ANKH: variants seen among roughly 807,000 people sequenced by gnomAD.
ANKH encodes the protein ANKH inorganic pyrophosphate transport regulator.
In ANKH, 15 loss-of-function variants were observed where a neutral mutation model predicts 49.0. The observed-to-expected ratio is 0.31, with a 90% CI of 0.20 to 0.47. The LOEUF is 0.47. Among genes scored for constraint, ANKH ranks in the 20% least tolerant of loss-of-function variants. ANKH has a pLI of 1.00. For missense variants in ANKH, 429 were observed against 652.0 expected, an observed-to-expected ratio of 0.66 and a Z score of 3.72; for synonymous variants, 273 against 260.0, an observed-to-expected ratio of 1.05 and a Z score of -0.48.
intron 1 of ANKH, among the ~76,000 whole-genome samples, chr5:14,814,866 C>A (rs947303069): frequency 6.6e-6 from 1 of 152,190 alleles, no homozygotes; most frequent in Non-Finnish European, 1.5e-5. Context: ...AAGTTTACTT[C>A]TTTCAAATTT....
intron 1 of ANKH, among the ~76,000 whole-genome samples, chr5:14,853,197 G>A (rs919922149): frequency 6.6e-6 from 1 of 152,104 alleles, no homozygotes; most frequent in Non-Finnish European, 1.5e-5. Context: ...TCAATCATAC[G>A]CTTTTCCCAA....
intron 1 of ANKH, among the ~76,000 whole-genome samples, chr5:14,815,987 G>C (rs886680541): frequency 1.3e-5 from 2 of 152,110 alleles, no homozygotes; most frequent in African/African-American, 4.8e-5. Context: ...GCTCATCCTT[G>C]TTTACTAGAT....
chr5:14,786,856 GT>G (rs1739993802), intron 1 of ANKH, among the ~76,000 whole-genome samples: 3 of 152,158 alleles, frequency 2.0e-5, no homozygotes, highest in African/African-American at 7.2e-5. Flanking sequence ...ATAATGACAT[GT>G]ACAAATAGAT....
rs931405874 is a variant in ANKH, at chr5:14,758,707, T to C, written c.314-109A>G. On this transcript the variant is annotated intron_variant, in intron 2 of 11. Transcript: ENST00000284268. Reference sequence around the variant, plus strand: ...TTTTAAATGTAGTATTTGTTCGTCATAGAAAAATTAGATAAGCAAATAGAA... The same window carrying C: ...TTTTAAATGTAGTATTTGTTCGTCACAGAAAAATTAGATAAGCAAATAGAA... 1.6e-4 allele frequency: 138 copies of C among 867,640 alleles called. 1 individual carries two copies. The highest frequency in any genetic ancestry group is 7.7e-4 in the South Asian group (55 of 71,526). 53.7% of individuals were successfully genotyped at this position (867,640 alleles called of 1,614,324 possible).
intron 3 of ANKH, among the ~76,000 whole-genome samples, chr5:14,757,924 T>C (rs141331474): frequency 6.6e-5 from 10 of 152,346 alleles, no homozygotes; most frequent in Non-Finnish European, 1.2e-4. Flanking sequence ...ATTCCACTTC[T>C]GGGTATATAC....
intron 1 of ANKH, among the ~76,000 whole-genome samples, chr5:14,821,228 A>C (rs893946111): frequency 5.3e-4 from 80 of 152,222 alleles, no homozygotes; most frequent in African/African-American, 1.9e-3. Context: ...ACATGCCTCT[A>C]TTACCAATCC....
chr5:14,778,470 G>A (rs1739702779), intron 1 of ANKH, among the ~76,000 whole-genome samples: 1 of 152,142 alleles, frequency 6.6e-6, no homozygotes, highest in Non-Finnish European at 1.5e-5. Flanking sequence ...CTCCGCGCCA[G>A]TGACCTCTAC....
Position 14,751,152 on chromosome 5 carries a change from G to C in ANKH, c.604C>G (p.Leu202Val), listed in dbSNP as rs1043283173. 6.2e-7 allele frequency: 1 copy of C among 1,614,252 alleles called. No homozygotes were observed. Among genetic ancestry groups the C allele is most frequent in the Non-Finnish European group, 8.5e-7 (1 of 1,180,050 alleles). The change falls in exon 5 of 12, where the codon CTT becomes GTT. Residue 202 changes from leucine to valine, a missense_variant. Leu to Val is a conservative substitution (Grantham distance 32). Transcript: ENST00000284268. ...AGGCACAGGGTGGTGCAGCGCACAA[G>C]TGCGCCCATGTACAAGGAGAGGATC... is the stretch of plus-strand genomic sequence containing the variant. ...IPILSLYMGA[L>V]VRCTTLCLGY...
At chr5:14,735,790 C>T (rs1380560049) in intron 8 of ANKH, among the ~76,000 whole-genome samples, 2 of 152,168 alleles carry the variant, frequency 1.3e-5, no homozygotes, top group African/African-American at 4.8e-5. Flanking sequence ...CCACCCTACT[C>T]ACCTACCAGA....
rs573449918 is a variant in ANKH at position 14,775,947 on chromosome 5, G to A, written c.97-6756C>T. Among the ~76,000 whole-genome samples the A allele has an allele frequency of 1.1e-4, 16 of 152,336 alleles. No individual in the cohort carries two copies. The South Asian group carries it at 2.9e-3, about 28-fold the overall frequency. ...CCTGTGGTAACCCAGGCCAGACAAGGTGCGGCTTGGCCGAGGGTGAGTAGT... is the reference window on the plus strand; with the variant it reads ...CCTGTGGTAACCCAGGCCAGACAAGATGCGGCTTGGCCGAGGGTGAGTAGT... On this transcript the variant is annotated intron_variant, in intron 1 of 11. Transcript: ENST00000284268.
intron 2 of ANKH, among the ~76,000 whole-genome samples, chr5:14,759,830 A>AAAGGG (rs1268771646): frequency 9.0e-6 from 1 of 110,812 alleles, no homozygotes; most frequent in African/African-American, 3.6e-5. Flanking sequence ...AAAGGAAAGG[A>AAAGGG]AAGGGAAGGG....
At chr5:14,834,203 C>G (rs563931424) in intron 1 of ANKH, among the ~76,000 whole-genome samples, 9 of 150,988 alleles carry the variant, frequency 6.0e-5, no homozygotes, top group Non-Finnish European at 2.9e-5. Context: ...CTGTCTGACC[C>G]TAGACAAGTG....
In ANKH at chr5:14,710,515, A is replaced by AGTTT. The variant is rs1737129752; in HGVS notation, c.*678_*681dup. 6.5e-6 allele frequency: 1 copy of AGTTT among 154,556 alleles called. No individual in the cohort carries two copies. Among genetic ancestry groups the AGTTT allele is most frequent in the South Asian group, 2.0e-4 (1 of 4,978 alleles). The allele number at this position is 154,556 out of a possible 1,614,324, so 9.6% of individuals were successfully genotyped here. A position where few individuals can be genotyped will look rare whatever the true frequency, so the allele number is the denominator to read the frequency against. On this transcript the variant is annotated 3_prime_UTR_variant, in exon 12 of 12. Coordinates refer to ENST00000284268, the MANE Select transcript of ANKH (RefSeq NM_054027.6). Reference sequence around the variant, plus strand: ...TGAAATGCTATCATTCAACCATGTCAGTTTGCTGCCCCCGGGGCATTTCAA... The same window carrying AGTTT: ...TGAAATGCTATCATTCAACCATGTCAGTTTGTTTGCTGCCCCCGGGGCATTTCAA...
chr5:14,786,411 T>G lies in ANKH; in HGVS notation c.97-17220A>C, dbSNP rs114215143. On this transcript the variant is annotated intron_variant, in intron 1 of 11. Transcript: ENST00000284268. ...TCCAGTCAGAATTCTAGTGATCTAG[T>G]GATTTGCATTTTTATTTGGACCTGG... Among the ~76,000 whole-genome samples the G allele has an allele frequency of 6.2e-3, 952 of 152,334 alleles. 10 individuals are homozygous for G. The highest frequency in any genetic ancestry group is 0.022 in the African/African-American group (925 of 41,576).
chr5:14,763,817 G>A (rs144195788), intron 2 of ANKH, among the ~76,000 whole-genome samples: 1,573 of 152,310 alleles, frequency 0.01, 25 homozygotes, highest in African/African-American at 0.036. Context: ...GGCTGGGCAC[G>A]GTGGCTTATG....
At chr5:14,815,572 C>G (rs773271165) in intron 1 of ANKH, among the ~76,000 whole-genome samples, 2 of 152,190 alleles carry the variant, frequency 1.3e-5, no homozygotes, top group African/African-American at 2.4e-5. Flanking sequence ...TTCTACACTT[C>G]CCCAGTGCTG....
intron 1 of ANKH, among the ~76,000 whole-genome samples, chr5:14,839,770 C>T (rs1303442505): frequency 6.6e-6 from 1 of 152,198 alleles, no homozygotes. Context: ...TAATTTTGCA[C>T]TGTAAATAAG....
chr5:14,854,033 A>G (rs377237978), intron 1 of ANKH, among the ~76,000 whole-genome samples: 17 of 152,190 alleles, frequency 1.1e-4, no homozygotes, highest in African/African-American at 4.1e-4. Context: ...CAAAATCCTA[A>G]TGTATTCCAG....
chr5:14,826,686 G>C (rs1258025785), intron 1 of ANKH, among the ~76,000 whole-genome samples: 1 of 152,168 alleles, frequency 6.6e-6, no homozygotes, highest in African/African-American at 2.4e-5. Flanking sequence ...ATTTCGGCAT[G>C]AACACTGGAA....
Sources: allele counts gnomAD v4.1 joint callset (sites outside exome capture counted in the v4.1 genomes callset), GRCh38; gene constraint gnomAD v4.1.1; transcripts MANE v1.5; gene names NCBI Gene and HGNC (gene_info 2026-07-23, HGNC 2026-07-21).